HUWE1: variants seen among roughly 807,000 people sequenced by gnomAD.
HUWE1 encodes the protein E3 ubiquitin-protein ligase HUWE1.
Under a neutral mutation model 299.4 loss-of-function variants are expected in HUWE1, and 18 were observed. That is an observed-to-expected ratio of 0.06 (90% CI 0.04 to 0.09). The LOEUF is 0.09. Ranked by LOEUF, HUWE1 falls within the 10% of genes least tolerant of loss-of-function variation. The pLI is 1.00. For missense variants in HUWE1, 1,832 were observed against 3,462.3 expected, an observed-to-expected ratio of 0.53 and a Z score of 11.82; for synonymous variants, 1,317 against 1,286.1, an observed-to-expected ratio of 1.02 and a Z score of -0.51.
chrX:53,538,584 C>G, intron 76 of HUWE1, 130 bp from the exon 77 acceptor site: 1 of 572,634 alleles, frequency 1.7e-6, no homozygotes, highest in Non-Finnish European at 2.9e-6. Flanking sequence ...CTAGTCAAAA[C>G]CAAGGGCCAG....
In HUWE1 at chrX:53,585,133, C is replaced by A; in HGVS notation, c.4880G>T (p.Trp1627Leu). The change falls in exon 40 of 84, where the codon TGG (tryptophan) becomes TTG (leucine). Residue 1627 changes from tryptophan (W) to leucine (L), a missense_variant. Coordinates refer to ENST00000262854, the MANE Select transcript of HUWE1 (RefSeq NM_031407.7). ...ATTGTTGCTTGCACTGTAACTACAC[C>A]AACGCCCAGAGCGATCATCAAACCA... ...WRWFDDRSGR[W>L]CSYSASNNST... is the part of the protein sequence containing the mutation. 1 of 1,211,896 alleles carries A rather than the reference C, an allele frequency of 8.3e-7. No homozygotes were observed. The highest frequency in any genetic ancestry group is 1.1e-6 in the Non-Finnish European group (1 of 895,489).
At chrX:53,552,254 AAGGG>A (rs2061797631) in intron 63 of HUWE1, 53 bp downstream of exon 63, 1 of 1,189,306 alleles carries the variant, frequency 8.4e-7, no homozygotes, top group African/African-American at 1.8e-5. Flanking sequence ...TTTCCATGCC[AAGGG>A]CTACTAGAAG....
At position 53,604,824 on chromosome X, in the gene HUWE1, T is replaced by C; in HGVS notation, c.2507A>G (p.His836Arg). The C allele has an allele frequency of 2.5e-6, 3 of 1,206,687 alleles. No individual in the cohort carries two copies. Among genetic ancestry groups the C allele is most frequent in the Non-Finnish European group, 3.4e-6 (3 of 890,646 alleles). ...ACCCTCTTGAAGGACTTTGGGTTCATGTGACAGTGTCTGAAACAGGAAGAA... is the reference window on the plus strand; with the variant it reads ...ACCCTCTTGAAGGACTTTGGGTTCACGTGACAGTGTCTGAAACAGGAAGAA... ...GVCKSILTLS[H>R]EPKVLQEGLL... Residue 836 changes from histidine (H) to arginine (R), a missense_variant, in exon 26 of 84, where the codon CAT becomes CGT. Around this residue, in one of 15 missense-constraint regions of HUWE1, gnomAD observed 658 missense variants for 1,282.6 expected, o/e 0.51. Coordinates refer to ENST00000262854, the MANE Select transcript of HUWE1 (RefSeq NM_031407.7).
intron 40 of HUWE1, 21 bp from the exon 41 acceptor site, chrX:53,584,366 TA>T: frequency 2.5e-6 from 3 of 1,177,265 alleles, no homozygotes; most frequent in Non-Finnish European, 3.5e-6. Context: ...AAACAGACAT[TA>T]AAAAAACCTC....
At chrX:53,661,742 G>A (rs143564241) in intron 3 of HUWE1, among the ~76,000 whole-genome samples, 1,768 of 111,887 alleles carry the variant, frequency 0.016, 36 homozygotes, top group African/African-American at 0.054. Flanking sequence ...AAGAAAACAA[G>A]TGAATTACTA....
At chrX:53,554,595 CTT>C (rs782794674) in intron 61 of HUWE1, 36 bp downstream of exon 61, 87 of 1,182,092 alleles carry the variant, frequency 7.4e-5, no homozygotes, top group Admixed American at 1.1e-4. Context: ...TTTCTTCCCT[CTT>C]GTTTCATCCT....
At chrX:53,574,848 G>C (rs1556956746) in intron 46 of HUWE1, among the ~76,000 whole-genome samples, 1 of 111,639 alleles carries the variant, frequency 9.0e-6, no homozygotes, top group East Asian at 2.8e-4. Context: ...CAATATCACT[G>C]GCATAAAATC....
chrX:53,555,466 T>C (rs1309387114), intron 60 of HUWE1, among the ~76,000 whole-genome samples: 4 of 108,033 alleles, frequency 3.7e-5, no homozygotes, highest in African/African-American at 1.4e-4. Context: ...GCTGAGACTA[T>C]AGGCATGTGC....
At chrX:53,612,902 G>A (rs2065574807) in intron 23 of HUWE1, among the ~76,000 whole-genome samples, 1 of 111,366 alleles carries the variant, frequency 9.0e-6, no homozygotes, top group Non-Finnish European at 1.9e-5. Context: ...TTGAAATCTG[G>A]GCACATCAGA....
intron 3 of HUWE1, among the ~76,000 whole-genome samples, chrX:53,666,292 G>C (rs1175832791): frequency 1.8e-5 from 2 of 110,669 alleles, no homozygotes; most frequent in Non-Finnish European, 3.8e-5. Context: ...CATGGCATTA[G>C]ATTATTATTC....
At chrX:53,575,104 G>T in intron 46 of HUWE1, 51 bp downstream of exon 46, 1 of 986,506 alleles carries the variant, frequency 1.0e-6, no homozygotes, top group Non-Finnish European at 1.4e-6. Context: ...GTTTTTTCAA[G>T]TTGTTTTCCT....
At chrX:53,614,813 T>C in intron 22 of HUWE1, 68 bp from the exon 23 acceptor site, 1 of 740,881 alleles carries the variant, frequency 1.3e-6, no homozygotes, top group Non-Finnish European at 2.1e-6. Context: ...ACAGCTAACA[T>C]ATTTAGAGCG....
chrX:53,676,713 A>C (rs2069839353), intron 3 of HUWE1, among the ~76,000 whole-genome samples: 2 of 111,687 alleles, frequency 1.8e-5, no homozygotes, highest in African/African-American at 6.5e-5. Flanking sequence ...TCCACTAGCC[A>C]CAAGAAGGGC....
chrX:53,683,964 G>A (rs1219633940), intron 2 of HUWE1: 8 of 291,318 alleles, frequency 2.7e-5, no homozygotes, highest in African/African-American at 1.9e-4. Context: ...AGACCTTGCC[G>A]CCGCCTCCGC....
intron 3 of HUWE1, among the ~76,000 whole-genome samples, chrX:53,665,883 G>C (rs1207788264): frequency 8.9e-6 from 1 of 111,776 alleles, no homozygotes; most frequent in African/African-American, 3.2e-5. Context: ...TGTAATCCCA[G>C]CACTTTGGAA....
chrX:53,647,707 T>C, intron 5 of HUWE1, 133 bp from the exon 6 acceptor site: 1 of 547,197 alleles, frequency 1.8e-6, no homozygotes, highest in Admixed American at 2.5e-5. Flanking sequence ...CTTGCCCATA[T>C]GAGAAAGATC....
At chrX:53,624,464 T>TTC in intron 19 of HUWE1, 131 bp downstream of exon 19, 1 of 538,134 alleles carries the variant, frequency 1.9e-6, no homozygotes, top group Non-Finnish European at 3.3e-6. Flanking sequence ...GCCACTACAC[T>TTC]CCAGCCTGGG....
intron 17 of HUWE1, 152 bp downstream of exon 17, chrX:53,627,258 C>T: frequency 5.3e-6 from 2 of 376,089 alleles, no homozygotes; most frequent in Non-Finnish European, 4.6e-6. Flanking sequence ...AACAAATTTG[C>T]AAATCACTTA....
chrX:53,678,913 T>C (rs1204113418), intron 3 of HUWE1, among the ~76,000 whole-genome samples: 3 of 111,931 alleles, frequency 2.7e-5, no homozygotes, highest in African/African-American at 6.5e-5. Context: ...GGCCAAGACA[T>C]GGAACTGAAG....
Sources: allele counts gnomAD v4.1 joint callset (sites outside exome capture counted in the v4.1 genomes callset), GRCh38; gene constraint gnomAD v4.1.1; regional missense constraint gnomAD v4.1.1; transcripts MANE v1.5; gene names NCBI Gene and HGNC (gene_info 2026-07-23, HGNC 2026-07-21).